HS3ST5: variants seen among roughly 807,000 people sequenced by gnomAD.
HS3ST5 encodes the protein heparan sulfate-glucosamine 3-sulfotransferase 5, also known as heparan sulfate glucosamine 3-O-sulfotransferase 5.
HS3ST5 carries 10 observed loss-of-function variants against 25.4 expected under a neutral mutation model. That is an observed-to-expected ratio of 0.39 (90% CI 0.24 to 0.67). The LOEUF is 0.67. Among genes scored for constraint, HS3ST5 ranks in the 30% least tolerant of loss-of-function variants. The pLI is 0.44. For synonymous variants in HS3ST5, 170 were observed against 162.4 expected, an observed-to-expected ratio of 1.05 and a Z score of -0.36; for missense variants, 324 against 420.7, an observed-to-expected ratio of 0.77 and a Z score of 2.01.
intron 2 of HS3ST5, among the ~76,000 whole-genome samples, chr6:114,224,402 C>T (rs1357360696): frequency 6.6e-6 from 1 of 151,418 alleles, no homozygotes; most frequent in Non-Finnish European, 1.5e-5. Flanking sequence ...TGTTTATAGG[C>T]TCACATAATA....
At chr6:114,320,840 T>C (rs1775935482) in intron 1 of HS3ST5, among the ~76,000 whole-genome samples, 1 of 151,690 alleles carries the variant, frequency 6.6e-6, no homozygotes, top group Admixed American at 6.6e-5. Context: ...GTATTTTTTC[T>C]CTTTTGTTCA....
At chr6:114,092,362 T>C (rs1377471414) in intron 3 of HS3ST5, among the ~76,000 whole-genome samples, 3 of 152,182 alleles carry the variant, frequency 2.0e-5, no homozygotes, top group Non-Finnish European at 4.4e-5. Flanking sequence ...GTAGGCTGAA[T>C]ATGATGAGCT....
intron 1 of HS3ST5, among the ~76,000 whole-genome samples, chr6:114,248,492 A>C (rs1772491555): frequency 6.6e-6 from 1 of 151,984 alleles, no homozygotes. Flanking sequence ...AAAAAATAAA[A>C]AATAAAATTA....
intron 3 of HS3ST5, chr6:114,143,555 G>A (rs954165001): frequency 1.3e-5 from 2 of 152,158 alleles, no homozygotes; most frequent in Admixed American, 1.3e-4. Flanking sequence ...TGTCAAACCC[G>A]GGCAAATGGC....
chr6:114,334,837 AT>A (rs1286764087), intron 1 of HS3ST5, among the ~76,000 whole-genome samples: 1 of 152,226 alleles, frequency 6.6e-6, no homozygotes. Context: ...TGGCAGACTT[AT>A]TTAAGTCTAT....
intron 1 of HS3ST5, among the ~76,000 whole-genome samples, chr6:114,253,362 G>C (rs1032756212): frequency 3.3e-5 from 5 of 152,150 alleles, no homozygotes; most frequent in African/African-American, 1.2e-4. Context: ...AGTAGACACA[G>C]GTACTTTGTA....
chr6:114,277,384 A>T (rs1189852752), intron 1 of HS3ST5, among the ~76,000 whole-genome samples: 1 of 149,978 alleles, frequency 6.7e-6, no homozygotes, highest in Non-Finnish European at 1.5e-5. Context: ...TTACAAGAGG[A>T]AATATTAGGT....
chr6:114,213,668 G>A (rs1781619894), intron 2 of HS3ST5, among the ~76,000 whole-genome samples: 1 of 152,054 alleles, frequency 6.6e-6, no homozygotes, highest in African/African-American at 2.4e-5. Flanking sequence ...TACAATCCCA[G>A]TTTTATCATA....
Position 114,120,100 on chromosome 6 carries a change from G to A in HS3ST5, c.-33+48251C>T, listed in dbSNP as rs185301268. ...GCAGAGGTTGTAGTGAGCCGAGATC[G>A]TGCCATTGCACTCTAGCCTGGGTGA... is the stretch of plus-strand genomic sequence containing the variant. On this transcript the variant is annotated intron_variant, in intron 3 of 4. Transcript: ENST00000312719. 4.5e-4 allele frequency among the ~76,000 whole-genome samples: 68 copies of A among 152,194 alleles called. No individual in the cohort carries two copies. In the East Asian group the frequency reaches 0.012, roughly 27 times the overall value.
chr6:114,122,277 G>A (rs1776827663), intron 3 of HS3ST5, among the ~76,000 whole-genome samples: 1 of 152,180 alleles, frequency 6.6e-6, no homozygotes, highest in African/African-American at 2.4e-5. Context: ...TTTGGGGGCT[G>A]TGCGTAAACA....
chr6:114,195,446 G>A (rs909595465), intron 2 of HS3ST5, among the ~76,000 whole-genome samples: 3 of 152,040 alleles, frequency 2.0e-5, no homozygotes, highest in African/African-American at 4.8e-5. Flanking sequence ...GAGTGGTGAG[G>A]TCAGGCTTGG....
chr6:114,188,672 G>A (rs1345972937), intron 2 of HS3ST5, among the ~76,000 whole-genome samples: 1 of 151,924 alleles, frequency 6.6e-6, no homozygotes, highest in Non-Finnish European at 1.5e-5. Flanking sequence ...TTTGGCTTTA[G>A]GCATTGATTA....
In HS3ST5 at chr6:114,232,973, TAAAG is replaced by T. The variant is rs554951395; in HGVS notation, c.-338-4199_-338-4196del. 7.2e-5 allele frequency among the ~76,000 whole-genome samples: 11 copies of T among 152,212 alleles called. No individual in the cohort carries two copies. The South Asian group carries it at 1.2e-3, about 17-fold the overall frequency. On this transcript the variant is annotated intron_variant, in intron 1 of 4. Transcript: ENST00000312719. ...TAATACCTTTCCACAGTTCTCAGGCTAAAGAAAGATAACACTTTACTGTGACCTC... is the reference window on the plus strand; with the variant it reads ...TAATACCTTTCCACAGTTCTCAGGCTAAAGATAACACTTTACTGTGACCTC...
intron 1 of HS3ST5, among the ~76,000 whole-genome samples, chr6:114,262,322 C>A (rs1446293097): frequency 6.6e-6 from 1 of 152,282 alleles, no homozygotes; most frequent in African/African-American, 2.4e-5. Flanking sequence ...TCGAGGAGGG[C>A]TGATCACAAG....
chr6:114,098,622 C>T (rs1775566294), intron 3 of HS3ST5, among the ~76,000 whole-genome samples: 1 of 150,668 alleles, frequency 6.6e-6, no homozygotes, highest in African/African-American at 2.4e-5. Flanking sequence ...GCGTGAAAGA[C>T]AACTAGGAAA....
At chr6:114,083,261 G>T (rs1344240822) in intron 3 of HS3ST5, among the ~76,000 whole-genome samples, 7 of 152,178 alleles carry the variant, frequency 4.6e-5, no homozygotes, top group Non-Finnish European at 8.8e-5. Context: ...AGGCCATCTG[G>T]TTTATTAATT....
intron 1 of HS3ST5, among the ~76,000 whole-genome samples, chr6:114,280,729 A>G (rs1214001850): frequency 1.3e-5 from 2 of 152,024 alleles, no homozygotes; most frequent in South Asian, 2.1e-4. Context: ...GCCTTCAGAG[A>G]TCTGATTTCA....
intron 2 of HS3ST5, among the ~76,000 whole-genome samples, chr6:114,193,681 C>T (rs1463731505): frequency 1.3e-5 from 2 of 152,148 alleles, no homozygotes; most frequent in Non-Finnish European, 2.9e-5. Flanking sequence ...ATGCCTGGCA[C>T]ATAATAAACA....
chr6:114,058,141 G>C lies in HS3ST5; in HGVS notation c.157C>G (p.Gln53Glu), dbSNP rs1772884414. 6.2e-7 allele frequency: 1 copy of C among 1,613,280 alleles called. No individual in the cohort carries two copies. Among genetic ancestry groups the C allele is most frequent in the African/African-American group, 1.3e-5 (1 of 75,040 alleles). Residue 53 changes from glutamine to glutamate, a missense_variant, in exon 5 of 5, where the codon CAG becomes GAG. By Grantham distance (29) the Gln-to-Glu change is conservative. This residue lies in a region of HS3ST5 where 121 missense variants were observed against 117.3 expected (regional missense o/e 1.03). Transcript: ENST00000312719. ...IEGRLGGART[Q>E]AEFPLRALQF... is the part of the protein sequence containing the mutation. ...AGGGCGCGAAGTGGGAATTCAGCCT[G>C]AGTGCGGGCTCCACCCAGTCGACCT...
Sources: allele counts gnomAD v4.1 joint callset (sites outside exome capture counted in the v4.1 genomes callset), GRCh38; gene constraint gnomAD v4.1.1; regional missense constraint gnomAD v4.1.1; transcripts MANE v1.5; gene names NCBI Gene and HGNC (gene_info 2026-07-23, HGNC 2026-07-21).